Variants in CCDC30 observed in about 807,000 individuals in gnomAD.
The protein encoded by CCDC30 is coiled-coil domain containing 30.
In CCDC30, 70 loss-of-function variants were observed where a neutral mutation model predicts 100.2. The ratio of observed to expected loss-of-function variants is 0.70; its 90% CI spans 0.58 to 0.85. CCDC30 has a LOEUF of 0.85. CCDC30 is among the 40% of genes least tolerant of loss of function. The pLI, the probability that CCDC30 is intolerant of heterozygous loss-of-function variation, is 0.00. For missense variants in CCDC30, 652 were observed against 771.2 expected, an observed-to-expected ratio of 0.85 and a Z score of 1.83; for synonymous variants, 233 against 269.5, an observed-to-expected ratio of 0.86 and a Z score of 1.33.
At chr1:42,510,857 A>G (rs1056209815) in intron 6 of CCDC30, among the ~76,000 whole-genome samples, 2 of 151,908 alleles carry the variant, frequency 1.3e-5, no homozygotes, top group Non-Finnish European at 2.9e-5. Context: ...GTCGCCTGAT[A>G]TGACTGCTAT....
upstream of CCDC30, among the ~76,000 whole-genome samples, chr1:42,462,913 C>T (rs1351764666): frequency 2.6e-5 from 4 of 152,324 alleles, no homozygotes; most frequent in South Asian, 8.3e-4. Flanking sequence ...AAATTCAGAG[C>T]TCTTGAGCTA....
upstream of CCDC30, among the ~76,000 whole-genome samples, chr1:42,463,098 T>G (rs545018303): frequency 2.0e-5 from 3 of 152,324 alleles, no homozygotes; most frequent in Admixed American, 1.3e-4. Flanking sequence ...TACAGCTGTC[T>G]CCAAAGCCAA....
At chr1:42,631,963 C>T (rs2093858) in intron 11 of CCDC30, among the ~76,000 whole-genome samples, 1,608 of 152,248 alleles carry the variant, frequency 0.011, 20 homozygotes, top group Non-Finnish European at 0.015. Flanking sequence ...CTTCCTGGTG[C>T]TCTACCCTAC....
intron 7 of CCDC30, among the ~76,000 whole-genome samples, 196 bp from the exon 12 acceptor site, chr1:42,576,824 A>G (rs775378478): frequency 3.3e-5 from 5 of 152,228 alleles, no homozygotes; most frequent in Non-Finnish European, 7.3e-5. Flanking sequence ...ATAGAAACTC[A>G]GGAAAATTCC....
chr1:42,555,275 G>C (rs535882287), intron 6 of CCDC30, among the ~76,000 whole-genome samples: 5 of 152,102 alleles, frequency 3.3e-5, no homozygotes, highest in Non-Finnish European at 7.4e-5. Flanking sequence ...ACCTTTGCTT[G>C]TTCATGTTCT....
the CCDC30 span, chr1:42,457,230 T>A: frequency 1.2e-6 from 2 of 1,613,796 alleles, no homozygotes; most frequent in South Asian, 2.2e-5. Context: ...GTTAACACCT[T>A]GTGTTTCTCT....
chr1:42,486,507 C>T (rs1644053380), intron 3 of CCDC30, among the ~76,000 whole-genome samples: 1 of 152,098 alleles, frequency 6.6e-6, no homozygotes, highest in African/African-American at 2.4e-5. Flanking sequence ...TGTGTGTGAC[C>T]AGCCCTCAAC....
intron 6 of CCDC30, among the ~76,000 whole-genome samples, chr1:42,520,217 T>C (rs1644616141): frequency 6.6e-6 from 1 of 152,166 alleles, no homozygotes; most frequent in South Asian, 2.1e-4. Context: ...GAGATCTTTC[T>C]TATTTTTTAC....
chr1:42,650,497 A>ATATATGTG (rs1181889086), intron 15 of CCDC30, among the ~76,000 whole-genome samples: 3 of 136,194 alleles, frequency 2.2e-5, no homozygotes, highest in African/African-American at 8.5e-5. Context: ...AAAAATATAT[A>ATATATGTG]TGTGTGTGTG....
At chr1:42,523,947 TTCTA>T (rs1468806568) in intron 6 of CCDC30, among the ~76,000 whole-genome samples, 1 of 152,190 alleles carries the variant, frequency 6.6e-6, no homozygotes, top group East Asian at 1.9e-4. Flanking sequence ...TTTTTAGGTT[TTCTA>T]TCTCTTTACT....
intron 6 of CCDC30, 49 bp from the exon 8 acceptor site, chr1:42,539,124 G>A: frequency 7.4e-7 from 1 of 1,347,926 alleles, no homozygotes; most frequent in Non-Finnish European, 9.9e-7. Flanking sequence ...CTTTTATGGG[G>A]GAAAATAGTC....
chr1:42,484,473 A>G (rs1436305983), intron 3 of CCDC30, among the ~76,000 whole-genome samples: 1 of 152,224 alleles, frequency 6.6e-6, no homozygotes, highest in African/African-American at 2.4e-5. Flanking sequence ...ACACAATCAC[A>G]TAGCAACCTG....
Position 42,507,463 on chromosome 1 carries a change from T to C in CCDC30, c.456+8547T>C, listed in dbSNP as rs139027400. Among the ~76,000 whole-genome samples, 3 of 152,338 alleles carry C rather than the reference T, an allele frequency of 2.0e-5. No homozygotes were observed. The East Asian group carries it at 5.8e-4, about 29-fold the overall frequency. On this transcript the variant is annotated intron_variant, in intron 6 of 16. Coordinates refer to ENST00000668663, the Ensembl canonical transcript of CCDC30. Reference sequence around the variant, plus strand: ...TTTGCCAGATTAATTTTTATAATCTTTCCATAACTTGCTTAAACCTTCAGC... The same window carrying C: ...TTTGCCAGATTAATTTTTATAATCTCTCCATAACTTGCTTAAACCTTCAGC...
At position 42,642,629 on chromosome 1, in the gene CCDC30, G is replaced by A; in HGVS notation, c.1556+20G>A. On this transcript the variant is annotated intron_variant, in intron 13 of 16. Coordinates refer to ENST00000668663, the Ensembl canonical transcript of CCDC30. ...GAGCAGGTAGGTGCCATCCTGCCTGGGAGCCAATAAACTCCACAAGAGGAT... is the reference window on the plus strand; with the variant it reads ...GAGCAGGTAGGTGCCATCCTGCCTGAGAGCCAATAAACTCCACAAGAGGAT... 2 of 1,518,720 alleles carry A rather than the reference G, an allele frequency of 1.3e-6. No homozygotes were observed. The highest frequency in any genetic ancestry group is 8.8e-7 in the Non-Finnish European group (1 of 1,131,860). 94.1% of individuals were successfully genotyped at this position (1,518,720 alleles called of 1,614,324 possible). A position where few individuals can be genotyped will look rare whatever the true frequency, so the allele number is the denominator to read the frequency against.
chr1:42,623,578 G>C (rs1221949633), intron 11 of CCDC30, among the ~76,000 whole-genome samples: 1 of 152,080 alleles, frequency 6.6e-6, no homozygotes, highest in Non-Finnish European at 1.5e-5. Flanking sequence ...TCTCTATTCT[G>C]TTCTATTGGT....
Position 42,520,511 on chromosome 1 carries a change from T to C in CCDC30, c.456+21595T>C, listed in dbSNP as rs551135259. Among the ~76,000 whole-genome samples, 39 of 151,922 alleles carry C rather than the reference T, an allele frequency of 2.6e-4. No homozygotes were observed. In the East Asian group the frequency reaches 7.2e-3, roughly 28 times the overall value. On this transcript the variant is annotated intron_variant, in intron 6 of 16. Transcript: ENST00000668663. ...CATGCCCGGCTAATTTTTGTATTTT[T>C]AGTAGAGACAGGGTTTCACCATGTT...
chr1:42,589,242 T>G (rs1646136093), intron 9 of CCDC30, 79 bp from the exon 14 acceptor site: 1 of 1,196,808 alleles, frequency 8.4e-7, no homozygotes, highest in Non-Finnish European at 1.2e-6. Flanking sequence ...AAAAAATCCC[T>G]TGTGATGCCA....
At chr1:42,557,640 A>G (rs1375229105) in intron 6 of CCDC30, among the ~76,000 whole-genome samples, 1 of 147,906 alleles carries the variant, frequency 6.8e-6, no homozygotes, top group Non-Finnish European at 1.5e-5. Flanking sequence ...TTAAATAATT[A>G]AATAAAATAT....
At chr1:42,545,622 G>T in intron 6 of CCDC30, 43 bp downstream of exon 9, 1 of 1,524,184 alleles carries the variant, frequency 6.6e-7, no homozygotes, top group Non-Finnish European at 8.9e-7. Flanking sequence ...ATTCAGAGAG[G>T]GTATATTTTA....
Sources: gnomAD v4.1 joint callset for allele counts (sites outside exome capture counted in the v4.1 genomes callset) on GRCh38, gnomAD v4.1.1 for gene constraint, MANE v1.5 for transcripts, NCBI Gene and HGNC (gene_info 2026-07-23, HGNC 2026-07-21) for gene names.